Variants in LHX8 observed in about 807,000 individuals in gnomAD.
The protein encoded by LHX8 is LIM/homeobox protein Lhx8.
A neutral mutation model predicts 40.3 loss-of-function variants in LHX8; 12 were observed. The ratio of observed to expected loss-of-function variants is 0.30; its 90% CI spans 0.19 to 0.48. The LOEUF is 0.48. LHX8 is among the 20% of genes least tolerant of loss of function. LHX8 has a pLI of 0.99. For missense variants in LHX8, 344 were observed against 433.7 expected (o/e 0.79, Z 1.84); for synonymous variants, 179 against 162.0 (o/e 1.10, Z -0.80).
intron 6 of LHX8, among the ~76,000 whole-genome samples, chr1:75,146,949 A>T (rs1312687612): frequency 6.6e-6 from 1 of 152,154 alleles, no homozygotes; most frequent in Non-Finnish European, 1.5e-5. Context: ...CAAAATCCCC[A>T]AATCTGTTCA....
In LHX8 at chr1:75,143,163, T is replaced by C. The variant is rs1648362923; in HGVS notation, c.405T>C (p.Ser135=). The stretch of plus-strand genomic sequence containing the variant: ...CTCGATGTGGGAGACACATCCATTC[T>C]ACTGACTGGGTCCGGAGAGCCAAGG... The part of the protein sequence containing the change: ...RCSRCGRHIH[S]TDWVRRAKGN... Residue 135 remains serine (S), a synonymous_variant, in exon 5 of 9, where the codon TCT becomes TCC. Coordinates refer to ENST00000356261, the MANE Select transcript of LHX8 (RefSeq NM_001256114.2). The C allele has an allele frequency of 6.2e-7, 1 of 1,613,712 alleles. No homozygotes were observed. The highest frequency in any genetic ancestry group is 1.7e-5 in the Admixed American group (1 of 59,988).
intron 3 of LHX8, among the ~76,000 whole-genome samples, chr1:75,138,426 G>T (rs1648213072): frequency 6.6e-6 from 1 of 152,240 alleles, no homozygotes; most frequent in Non-Finnish European, 1.5e-5. Context: ...TAGAGAAAAT[G>T]CCAGAAGAAG....
the LHX8 span, among the ~76,000 whole-genome samples, chr1:75,180,633 A>G: frequency 6.6e-6 from 1 of 152,136 alleles, no homozygotes; most frequent in Admixed American, 6.5e-5. Flanking sequence ...ATGGGTTCGA[A>G]CATCCTTCTT....
chr1:75,160,603 G>A (rs1020137665), intron 8 of LHX8: 1 of 568,566 alleles, frequency 1.8e-6, no homozygotes, highest in South Asian at 2.1e-5. Flanking sequence ...GCAAAATCTT[G>A]TGGCCCCAAA....
upstream of LHX8, chr1:75,131,992 T>C (rs994328082): frequency 1.3e-5 from 2 of 152,208 alleles, no homozygotes; most frequent in South Asian, 2.1e-4. Context: ...GATCAGAGTC[T>C]TCGTTCAAAA....
chr1:75,174,024 A>G, the LHX8 span, among the ~76,000 whole-genome samples: 1 of 147,864 alleles, frequency 6.8e-6, no homozygotes, highest in African/African-American at 2.6e-5. Context: ...AAAATCTAAA[A>G]GAAAAAAAAA....
chr1:75,151,848 G>A lies in LHX8; in HGVS notation c.780+3166G>A, dbSNP rs1189636530. Among the ~76,000 whole-genome samples, 5 of 152,220 alleles carry A rather than the reference G, an allele frequency of 3.3e-5. No individual in the cohort carries two copies. In the East Asian group the frequency reaches 7.7e-4, roughly 23 times the overall value. On this transcript the variant is annotated intron_variant, in intron 7 of 8. Transcript: ENST00000356261. ...CATATTTGAAGGACTAAGGAACACA[G>A]GCAGACATCTGTCATGTAATTTCCA...
In LHX8 at chr1:75,161,076, T is replaced by A. The variant is rs897399785; in HGVS notation, c.*181T>A. 2.6e-5 allele frequency: 15 copies of A among 585,046 alleles called. No homozygotes were observed. In the Admixed American group the frequency reaches 3.6e-4, roughly 14 times the overall value. 36.2% of individuals were successfully genotyped at this position (585,046 alleles called of 1,614,324 possible). On this transcript the variant is annotated 3_prime_UTR_variant, in exon 9 of 9. Coordinates refer to ENST00000356261, the MANE Select transcript of LHX8 (RefSeq NM_001256114.2). ...GCAAGACACTTTTATTAATTCTTCA[T>A]TTTTTGTAAAACTTATGTTTACAAG...
At chr1:75,172,278 T>C in the LHX8 span, among the ~76,000 whole-genome samples, 1 of 152,212 alleles carries the variant, frequency 6.6e-6, no homozygotes, top group Non-Finnish European at 1.5e-5. Flanking sequence ...AACAGTCACA[T>C]TTAAATACAA....
rs1054969209 is a variant in LHX8 at position 75,134,545 on chromosome 1, AG to A, written c.-416del. Among the ~76,000 whole-genome samples, 3 of 106,164 alleles carry A rather than the reference AG, an allele frequency of 2.8e-5. No homozygotes were observed. The highest frequency in any genetic ancestry group is 5.0e-4 in the East Asian group (2 of 4,030). 69.6% of individuals were successfully genotyped at this position (106,164 alleles called of 152,430 possible). A position where few individuals can be genotyped will look rare whatever the true frequency, so the allele number is the denominator to read the frequency against. ...TTTTATTAGTGGATCGGGGCGGGGGAGGGGGGAGATCGGCAGACACGGACAG... is the reference window on the plus strand; with the variant it reads ...TTTTATTAGTGGATCGGGGCGGGGGAGGGGGAGATCGGCAGACACGGACAG... On this transcript the variant is annotated 5_prime_UTR_variant, in exon 1 of 9. Transcript: ENST00000356261.
At position 75,160,929 on chromosome 1, in the gene LHX8, T is replaced by A. The variant is rs41306167; in HGVS notation, c.*34T>A. ...TCAGGGATAGACTTGATTAAGGATA[T>A]AAATTTGTCATTTATTATGTATAAA... On this transcript the variant is annotated 3_prime_UTR_variant, in exon 9 of 9. Transcript: ENST00000356261. The A allele has an allele frequency of 7.0e-4, 1,012 of 1,449,728 alleles. 1 individual carries two copies. Among genetic ancestry groups the A allele is most frequent in the Non-Finnish European group, 8.3e-4 (857 of 1,030,204 alleles). The allele number at this position is 1,449,728 out of a possible 1,614,324, so 89.8% of individuals were successfully genotyped here.
upstream of LHX8, chr1:75,131,529 T>G (rs566975347): frequency 6.6e-6 from 1 of 152,468 alleles, no homozygotes; most frequent in East Asian, 1.9e-4. Context: ...AATATCAGTT[T>G]TATGCCTTTT....
the LHX8 span, among the ~76,000 whole-genome samples, chr1:75,166,818 G>A: frequency 2.6e-5 from 4 of 152,164 alleles, no homozygotes; most frequent in South Asian, 2.1e-4. Context: ...GAGAAGGATC[G>A]GGAAACTTCT....
chr1:75,183,292 A>G, the LHX8 span: 2 of 152,190 alleles, frequency 1.3e-5, no homozygotes, highest in Non-Finnish European at 2.9e-5. Flanking sequence ...GCAAGATTCT[A>G]CAGAAGAAGA....
At chr1:75,199,334 G>A in the LHX8 span, among the ~76,000 whole-genome samples, 1 of 152,098 alleles carries the variant, frequency 6.6e-6, no homozygotes, top group African/African-American at 2.4e-5. Context: ...ATGCAGCCGT[G>A]CACATTCATC....
chr1:75,192,994 A>G, the LHX8 span, among the ~76,000 whole-genome samples: 1 of 152,168 alleles, frequency 6.6e-6, no homozygotes, highest in East Asian at 1.9e-4. Flanking sequence ...ATGCCCAGCT[A>G]GGTGATTTAT....
At chr1:75,172,081 C>T in the LHX8 span, among the ~76,000 whole-genome samples, 1 of 152,204 alleles carries the variant, frequency 6.6e-6, no homozygotes, top group African/African-American at 2.4e-5. Context: ...CATCTTTCAT[C>T]TCTTGAAGCA....
chr1:75,136,315 G>A (rs1648125198), intron 1 of LHX8, among the ~76,000 whole-genome samples: 1 of 151,970 alleles, frequency 6.6e-6, no homozygotes, highest in Non-Finnish European at 1.5e-5. Context: ...TGTTATCCCC[G>A]GCGGGGGGGC....
chr1:75,149,500 G>GT (rs940635703), intron 7 of LHX8, among the ~76,000 whole-genome samples: 2 of 152,090 alleles, frequency 1.3e-5, no homozygotes, highest in African/African-American at 4.8e-5. Flanking sequence ...TGTTGTTGTT[G>GT]TTGTTTGTTT....
Sources: gnomAD v4.1 joint callset for allele counts (sites outside exome capture counted in the v4.1 genomes callset) on GRCh38, gnomAD v4.1.1 for gene constraint, MANE v1.5 for transcripts, NCBI Gene and HGNC (gene_info 2026-07-23, HGNC 2026-07-21) for gene names.